NBPF8: variants seen among roughly 807,000 people sequenced by gnomAD.
NBPF8 encodes the protein NBPF member 8.
chr1:120,456,823 T>A (rs1283066806), intron 16 of NBPF8, among the ~76,000 whole-genome samples: 19 of 151,958 alleles, frequency 1.3e-4, no homozygotes, highest in Non-Finnish European at 1.0e-4. Context: ...TAGCTGGTTA[T>A]TTCGCCCGTT....
chr1:120,468,337 T>C (rs1661806239), downstream of NBPF8, among the ~76,000 whole-genome samples: 1 of 151,720 alleles, frequency 6.6e-6, no homozygotes, highest in African/African-American at 2.4e-5. Flanking sequence ...ACTTGCTGAG[T>C]GGTACTCATC....
At chr1:120,449,957 G>C (rs587633895) in intron 11 of NBPF8, among the ~76,000 whole-genome samples, 122 of 152,224 alleles carry the variant, frequency 8.0e-4, no homozygotes, top group Middle Eastern at 3.4e-3. Flanking sequence ...GGCCGTGCAT[G>C]GTGGCTCACT....
At chr1:120,450,430 C>CT (rs1174623094) in intron 11 of NBPF8, among the ~76,000 whole-genome samples, 1 of 151,896 alleles carries the variant, frequency 6.6e-6, no homozygotes, top group Non-Finnish European at 1.5e-5. Context: ...AGTTGCTTGT[C>CT]TTGTCTGTCC....
At chr1:120,421,405 T>C (rs1478793028) in intron 1 of NBPF8, among the ~76,000 whole-genome samples, 3 of 151,074 alleles carry the variant, frequency 2.0e-5, no homozygotes, top group African/African-American at 7.3e-5. Context: ...CCCACTCTTT[T>C]TCTCTCTCTC....
upstream of NBPF8, among the ~76,000 whole-genome samples, chr1:120,415,297 G>A (rs1553244948): frequency 2.6e-5 from 4 of 152,256 alleles, no homozygotes; most frequent in East Asian, 1.9e-4. Context: ...GCGCCAGGCC[G>A]GGGGGCGGTG....
downstream of NBPF8, among the ~76,000 whole-genome samples, chr1:120,467,957 TGTGTGC>T (rs1399332338): frequency 9.9e-5 from 15 of 151,664 alleles, no homozygotes; most frequent in African/African-American, 2.4e-4. Context: ...TGAGAGTGTG[TGTGTGC>T]GTGTGTGTGT....
At chr1:120,436,369 T>C in exon 1 of NBPF8, 1 of 1,542,854 alleles carries the variant, frequency 6.5e-7, no homozygotes, top group South Asian at 1.2e-5. Flanking sequence ...GTGGGAGTGA[T>C]CACATTTTTC....
At chr1:120,462,714 T>C in intron 20 of NBPF8, 80 bp from the exon 19 acceptor site, 3 of 220,360 alleles carry the variant, frequency 1.4e-5, no homozygotes, top group East Asian at 1.0e-4. Flanking sequence ...CAGTTCCTTA[T>C]GTTAGCCATG....
At position 120,423,440 on chromosome 1, in the gene NBPF8, C is replaced by T. The variant is rs1157797413; in HGVS notation, n.270-2307C>T. Among the ~76,000 whole-genome samples the T allele has an allele frequency of 1.9e-5, 2 of 107,230 alleles. 1 individual carries two copies. The highest frequency in any genetic ancestry group is 4.9e-4 in the South Asian group (2 of 4,092). 70.3% of individuals were successfully genotyped at this position (107,230 alleles called of 152,430 possible). A position where few individuals can be genotyped will look rare whatever the true frequency, so the allele number is the denominator to read the frequency against. On this transcript the variant is annotated intron_variant and non_coding_transcript_variant, in intron 1 of 28. Transcript: ENST00000652355. The stretch of plus-strand genomic sequence containing the variant: ...GATCAGTGGACTGTATGTAGGCCTG[C>T]TTCTGGGCTCCGTATTCTTTTCTAT...
At chr1:120,467,919 T>C (rs1570948871), downstream of NBPF8, among the ~76,000 whole-genome samples, 1 of 151,900 alleles carries the variant, frequency 6.6e-6, no homozygotes, top group Non-Finnish European at 1.5e-5. Flanking sequence ...CATTTCTTGG[T>C]TCTAGTCATT....
chr1:120,468,520 A>G (rs1463882450), downstream of NBPF8, among the ~76,000 whole-genome samples: 1,283 of 148,866 alleles, frequency 8.6e-3, 14 homozygotes, highest in African/African-American at 0.03. Flanking sequence ...TACATGGTGT[A>G]TGTTCTCATT....
chr1:120,421,506 C>G (rs9441093), intron 1 of NBPF8, among the ~76,000 whole-genome samples: 1 of 149,606 alleles, frequency 6.7e-6, no homozygotes, highest in African/African-American at 2.5e-5. Flanking sequence ...CTCCCTCCCT[C>G]CCTTCCTTCC....
upstream of NBPF8, among the ~76,000 whole-genome samples, chr1:120,416,843 A>T (rs1468534412): frequency 1.3e-5 from 2 of 151,064 alleles, no homozygotes; most frequent in Non-Finnish European, 1.5e-5. Flanking sequence ...GATGCCTGTC[A>T]GTTAAAAATT....
downstream of NBPF8, among the ~76,000 whole-genome samples, chr1:120,468,659 C>T (rs1338422254): frequency 8.9e-5 from 13 of 145,870 alleles, no homozygotes; most frequent in African/African-American, 2.9e-4. Flanking sequence ...AGTAATTCTG[C>T]ATTTCCAAGA....
chr1:120,436,441 T>A (rs1661081424), exon 1 of NBPF8: 1 of 1,188,616 alleles, frequency 8.4e-7, no homozygotes, highest in Admixed American at 1.8e-5. Flanking sequence ...ACCTATTTGA[T>A]TTCACCAGTT....
intron 24 of NBPF8, among the ~76,000 whole-genome samples, 198 bp from the exon 23 acceptor site, chr1:120,465,780 C>G (rs1426503448): frequency 0.05 from 5,657 of 112,832 alleles, no homozygotes; most frequent in African/African-American, 0.1. Flanking sequence ...CTCTGTCTCT[C>G]TCTCTCTGTC....
intron 3 of NBPF8, among the ~76,000 whole-genome samples, chr1:120,431,300 G>A (rs1198491255): frequency 9.5e-6 from 1 of 105,272 alleles, no homozygotes; most frequent in Non-Finnish European, 1.9e-5. Context: ...CCGTTTTGAA[G>A]ATTATCATCT....
At chr1:120,415,242 C>CA (rs1431390971), upstream of NBPF8, among the ~76,000 whole-genome samples, 2 of 152,152 alleles carry the variant, frequency 1.3e-5, no homozygotes, top group Admixed American at 1.3e-4. Context: ...TGGGAAGTTA[C>CA]GGTTTACAGC....
At chr1:120,418,782 A>G (rs1374119473), upstream of NBPF8, among the ~76,000 whole-genome samples, 28 of 148,466 alleles carry the variant, frequency 1.9e-4, 1 homozygote, top group South Asian at 5.6e-3. Context: ...TCCTGGGCTC[A>G]AATGACCCTC....
Sources: gnomAD v4.1 joint callset for allele counts (sites outside exome capture counted in the v4.1 genomes callset) on GRCh38, gnomAD v4.1.1 for gene constraint, MANE v1.5 for transcripts, NCBI Gene and HGNC (gene_info 2026-07-23, HGNC 2026-07-21) for gene names.